SLC17A4: variants seen among roughly 807,000 people sequenced by gnomAD.
The protein encoded by SLC17A4 is probable small intestine urate exporter.
In SLC17A4, 33 loss-of-function variants were observed where a neutral mutation model predicts 52.5. The observed-to-expected ratio is 0.63, with a 90% CI of 0.48 to 0.84. SLC17A4 has a LOEUF of 0.84. SLC17A4 is among the 40% of genes least tolerant of loss of function. The pLI, the probability that SLC17A4 is intolerant of heterozygous loss-of-function variation, is 0.00. For synonymous variants in SLC17A4, 225 were observed against 216.2 expected, an observed-to-expected ratio of 1.04 and a Z score of -0.36; for missense variants, 585 against 597.1, an observed-to-expected ratio of 0.98 and a Z score of 0.21.
intron 2 of SLC17A4, among the ~76,000 whole-genome samples, chr6:25,762,808 A>C (rs754010915): frequency 2.0e-5 from 3 of 152,222 alleles, no homozygotes; most frequent in Non-Finnish European, 4.4e-5. Context: ...CATTTGACCC[A>C]GAATGAATAC....
At chr6:25,769,677 A>G (rs1762316198) in intron 3 of SLC17A4, among the ~76,000 whole-genome samples, 1 of 152,208 alleles carries the variant, frequency 6.6e-6, no homozygotes, top group Non-Finnish European at 1.5e-5. Context: ...GTTAGAATAA[A>G]TGAAACATTT....
chr6:25,779,058 CAG>C lies in SLC17A4; in HGVS notation c.1367_1368del (p.Glu456ValfsTer14). On this transcript the variant is annotated frameshift_variant, in exon 12 of 12. Coordinates refer to ENST00000377905, the MANE Select transcript of SLC17A4 (RefSeq NM_005495.3). LOFTEE classifies it low-confidence loss of function (END_TRUNC). ...CTTGTAATTTTCTGCCTCCAGGATT[CAG>C]AGTTTGGTTGGAGAAATGTCTTCTT... 6.2e-7 allele frequency: 1 copy of C among 1,613,618 alleles called. No homozygotes were observed. The highest frequency in any genetic ancestry group is 8.5e-7 in the Non-Finnish European group (1 of 1,179,670).
chr6:25,759,784 C>T (rs1474166245), intron 1 of SLC17A4, among the ~76,000 whole-genome samples: 2 of 152,192 alleles, frequency 1.3e-5, no homozygotes, highest in Non-Finnish European at 2.9e-5. Context: ...AGGTGAATCT[C>T]TTGAAGACTA....
chr6:25,763,291 C>A (rs551865181), intron 2 of SLC17A4, among the ~76,000 whole-genome samples: 16 of 152,306 alleles, frequency 1.1e-4, no homozygotes, highest in Admixed American at 9.2e-4. Context: ...CAAACAGCAT[C>A]ATGCTACTAA....
In SLC17A4 at chr6:25,776,514, G is replaced by A. The variant is rs1389621606; in HGVS notation, c.988-81G>A. 2.0e-6 allele frequency: 3 copies of A among 1,487,658 alleles called. No individual in the cohort carries two copies. In the African/African-American group the frequency reaches 4.2e-5, roughly 21 times the overall value. 92.2% of individuals were successfully genotyped at this position (1,487,658 alleles called of 1,614,324 possible). ...GCGTATATAAAGAAAAGCCACAAAT[G>A]TGGACAGTCTGTCCAAGGTTGTCTG... On this transcript the variant is annotated intron_variant, in intron 8 of 11. Transcript: ENST00000377905.
intron 2 of SLC17A4, among the ~76,000 whole-genome samples, chr6:25,762,256 A>G (rs1761606068): frequency 6.6e-6 from 1 of 152,220 alleles, no homozygotes; most frequent in Non-Finnish European, 1.5e-5. Context: ...CTTTGAAGGT[A>G]TATAAGACAG....
intron 8 of SLC17A4, among the ~76,000 whole-genome samples, chr6:25,776,386 A>G (rs971717248): frequency 2.0e-5 from 3 of 151,938 alleles, no homozygotes; most frequent in Admixed American, 2.0e-4. Flanking sequence ...TTATATATAA[A>G]GAGAGCCTTG....
At position 25,770,146 on chromosome 6, in the gene SLC17A4, T is replaced by C. The variant is rs142892037; in HGVS notation, c.377T>C (p.Ile126Thr). 1.9e-5 allele frequency: 31 copies of C among 1,613,946 alleles called. No homozygotes were observed. Among genetic ancestry groups the C allele is most frequent in the Admixed American group, 3.3e-5 (2 of 59,980 alleles). Reference protein sequence around the residue: ...SLNYGSFLAPIPSGYVAGIFG... With the variant: ...SLNYGSFLAPTPSGYVAGIFG... ...AACTATGGCTCATTCTTGGCTCCAATCCCCAGTGGCTATGTGGCTGGAATA... is the reference window on the plus strand; with the variant it reads ...AACTATGGCTCATTCTTGGCTCCAACCCCCAGTGGCTATGTGGCTGGAATA... Residue 126 changes from isoleucine (I) to threonine (T), a missense_variant, in exon 4 of 12, where the codon ATC (isoleucine) becomes ACC (threonine). Coordinates refer to ENST00000377905, the MANE Select transcript of SLC17A4 (RefSeq NM_005495.3).
intron 2 of SLC17A4, among the ~76,000 whole-genome samples, chr6:25,768,695 A>G (rs1762225447): frequency 6.6e-6 from 1 of 151,952 alleles, no homozygotes; most frequent in Non-Finnish European, 1.5e-5. Flanking sequence ...ACTTCTTCCC[A>G]TTCCTATTCT....
intron 2 of SLC17A4, chr6:25,768,317 C>T (rs1762191336): frequency 1.0e-6 from 1 of 955,934 alleles, no homozygotes; most frequent in Non-Finnish European, 1.2e-6. Flanking sequence ...CATACATTAC[C>T]TCTGGGATTT....
chr6:25,764,275 G>A (rs1761813341), intron 2 of SLC17A4, among the ~76,000 whole-genome samples: 2 of 152,272 alleles, frequency 1.3e-5, no homozygotes, highest in South Asian at 4.1e-4. Flanking sequence ...TGTTACTGTG[G>A]AGACCAGAGA....
Position 25,768,978 on chromosome 6 carries a change from C to T in SLC17A4, c.92-7C>T. ...GATTGTGATTTTTCATGCCCTTTTC[C>T]TCTCAGGTTTTTGTTCAGTCCGACA... On this transcript the variant is annotated splice_region_variant and splice_polypyrimidine_tract_variant and intron_variant, in intron 2 of 11. Transcript: ENST00000377905. 1 of 1,613,802 alleles carries T rather than the reference C, an allele frequency of 6.2e-7. No homozygotes were observed. Among genetic ancestry groups the T allele is most frequent in the Non-Finnish European group, 8.5e-7 (1 of 1,179,860 alleles).
In SLC17A4 at chr6:25,779,263, C is replaced by T; in HGVS notation, c.*75C>T. ...CCCTCACAGACATTTCTCTTTCATGCCTGCTTGACTGATAAGCCATTAGCT... is the reference window on the plus strand; with the variant it reads ...CCCTCACAGACATTTCTCTTTCATGTCTGCTTGACTGATAAGCCATTAGCT... On this transcript the variant is annotated 3_prime_UTR_variant, in exon 12 of 12. Transcript: ENST00000377905. 4 of 1,574,030 alleles carry T rather than the reference C, an allele frequency of 2.5e-6. No individual in the cohort carries two copies. The highest frequency in any genetic ancestry group is 2.6e-6 in the Non-Finnish European group (3 of 1,154,650).
At chr6:25,778,155 T>C in intron 11 of SLC17A4, 139 bp downstream of exon 11, 4 of 597,488 alleles carry the variant, frequency 6.7e-6, no homozygotes, top group Non-Finnish European at 8.7e-6. Flanking sequence ...GACTTAAGAA[T>C]TAAAGAAACT....
Position 25,773,546 on chromosome 6 carries a change from G to T in SLC17A4, c.859G>T (p.Ala287Ser). ...ACCAGGCTGGTCTCTTCCCATTAGG[G>T]CTATGATCAAATCCTTACCACTCTG... ...CSPGWSLPIRAMIKSLPLWAI... is the reference protein window; with the variant it reads ...CSPGWSLPIRSMIKSLPLWAI... Residue 287 changes from alanine (A) to serine (S), a missense_variant, in exon 8 of 12, where the codon GCT (alanine) becomes TCT (serine). Transcript: ENST00000377905. The T allele has an allele frequency of 1.2e-6, 2 of 1,613,870 alleles. No individual in the cohort carries two copies. The highest frequency in any genetic ancestry group is 1.7e-5 in the Admixed American group (1 of 59,966).
chr6:25,769,207 T>C lies in SLC17A4; in HGVS notation c.297+17T>C. On this transcript the variant is annotated intron_variant, in intron 3 of 11. Transcript: ENST00000377905. Reference sequence around the variant, plus strand: ...AAAGCAATGGTAAGTTTAATGAGACTCTGGACTCTTTCTTTGACTCAAATA... The same window carrying C: ...AAAGCAATGGTAAGTTTAATGAGACCCTGGACTCTTTCTTTGACTCAAATA... 2 of 1,597,128 alleles carry C rather than the reference T, an allele frequency of 1.3e-6. No homozygotes were observed. The highest frequency in any genetic ancestry group is 1.1e-5 in the South Asian group (1 of 90,108).
chr6:25,772,033 G>A (rs1414378243), intron 6 of SLC17A4, among the ~76,000 whole-genome samples: 2 of 152,194 alleles, frequency 1.3e-5, no homozygotes, highest in African/African-American at 4.8e-5. Context: ...AGTCCCACTA[G>A]TGTGTTCATT....
At chr6:25,778,040 T>C in intron 11 of SLC17A4, 24 bp downstream of exon 11, 1 of 1,583,902 alleles carries the variant, frequency 6.3e-7, no homozygotes, top group South Asian at 1.1e-5. Flanking sequence ...TTCTGATGAA[T>C]ATTCATAAAA....
chr6:25,774,616 A>G (rs779412340), intron 8 of SLC17A4, among the ~76,000 whole-genome samples: 3 of 152,166 alleles, frequency 2.0e-5, no homozygotes, highest in Admixed American at 2.0e-4. Context: ...GACACCACAT[A>G]AGCAGGAGTC....
Sources: allele counts gnomAD v4.1 joint callset (sites outside exome capture counted in the v4.1 genomes callset), GRCh38; gene constraint gnomAD v4.1.1; transcripts MANE v1.5; gene names NCBI Gene and HGNC (gene_info 2026-07-23, HGNC 2026-07-21).